Variants in SKAP2 observed in about 807,000 individuals in gnomAD.
SKAP2 encodes src kinase associated phosphoprotein 2, also known as src kinase-associated phosphoprotein 2.
Under a neutral mutation model 54.9 loss-of-function variants are expected in SKAP2, and 28 were observed. That is an observed-to-expected ratio of 0.51 (90% CI 0.38 to 0.70). The LOEUF is 0.70. Among genes scored for constraint, SKAP2 ranks in the 30% least tolerant of loss-of-function variants. The pLI is 0.00. For synonymous variants in SKAP2, 137 were observed against 134.3 expected (o/e 1.02, Z -0.14); for missense variants, 356 against 424.1 (o/e 0.84, Z 1.41).
At position 26,856,601 on chromosome 7, in the gene SKAP2, A is replaced by G. The variant is rs147021735; in HGVS notation, c.68-1711T>C. ...AAATTTTGTGCCCAGAACAGCAAGC[A>G]ACCTTTGGATATTTCGATATTAGCT... On this transcript the variant is annotated intron_variant, in intron 1 of 12. Coordinates refer to ENST00000345317, the MANE Select transcript of SKAP2 (RefSeq NM_003930.5). 2.0e-4 allele frequency among the ~76,000 whole-genome samples: 31 copies of G among 152,302 alleles called. No homozygotes were observed. In the East Asian group the frequency reaches 5.6e-3, roughly 27 times the overall value.
intron 4 of SKAP2, among the ~76,000 whole-genome samples, chr7:26,756,900 T>C (rs1332140564): frequency 1.3e-5 from 2 of 152,222 alleles, no homozygotes; most frequent in Non-Finnish European, 1.5e-5. Context: ...TATCTCATTG[T>C]GGTTTCGATT....
chr7:26,725,646 C>T lies in SKAP2; in HGVS notation c.659-81G>A, dbSNP rs988667527. The T allele has an allele frequency of 1.9e-5, 24 of 1,261,124 alleles. 1 individual carries two copies. In the South Asian group the frequency reaches 3.3e-4, roughly 17 times the overall value. The allele number at this position is 1,261,124 out of a possible 1,614,324, so 78.1% of individuals were successfully genotyped here. ...AACTATACTTTATAAATAAATGCAGCCCTACAAAGCAACAACAATATTGTT... is the reference window on the plus strand; with the variant it reads ...AACTATACTTTATAAATAAATGCAGTCCTACAAAGCAACAACAATATTGTT... On this transcript the variant is annotated intron_variant, in intron 8 of 12. Transcript: ENST00000345317.
In SKAP2 at chr7:26,727,024, A is replaced by G. The variant is rs1246050958; in HGVS notation, c.470-18T>C. ...TTGTTTGTCTGTTGAAGATAAAACC[A>G]GTTAGAATTTCATTTACTAAGTATT... is the stretch of plus-strand genomic sequence containing the variant. On this transcript the variant is annotated intron_variant, in intron 6 of 12. Transcript: ENST00000345317. The G allele has an allele frequency of 1.3e-6, 2 of 1,571,336 alleles. No individual in the cohort carries two copies. The highest frequency in any genetic ancestry group is 1.7e-6 in the Non-Finnish European group (2 of 1,161,278).
chr7:26,765,777 G>A (rs2127972836), intron 4 of SKAP2, among the ~76,000 whole-genome samples: 1 of 152,296 alleles, frequency 6.6e-6, no homozygotes, highest in East Asian at 1.9e-4. Context: ...GCAGATGGTT[G>A]TAGATGTGTG....
rs965186358 is a variant in SKAP2 at position 26,667,151 on chromosome 7, A to G, written c.*2515T>C. 2.0e-5 allele frequency: 3 copies of G among 152,222 alleles called. No homozygotes were observed. The highest frequency in any genetic ancestry group is 7.2e-5 in the African/African-American group (3 of 41,464). The allele number at this position is 152,222 out of a possible 1,614,324, so 9.4% of individuals were successfully genotyped here. A position where few individuals can be genotyped will look rare whatever the true frequency, so the allele number is the denominator to read the frequency against. ...TAAGATCTAATGGCAATAGAGTACA[A>G]ATTCAGTACAGAGCAAATAATCAAG... On this transcript the variant is annotated 3_prime_UTR_variant, in exon 13 of 13. Transcript: ENST00000345317.
intron 4 of SKAP2, among the ~76,000 whole-genome samples, chr7:26,820,490 C>T (rs973236963): frequency 2.6e-5 from 4 of 151,972 alleles, no homozygotes; most frequent in African/African-American, 9.7e-5. Context: ...CAAAATAATC[C>T]AGTTAATGCT....
Position 26,685,711 on chromosome 7 carries a change from C to T in SKAP2, c.875-863G>A, listed in dbSNP as rs542724238. On this transcript the variant is annotated intron_variant, in intron 10 of 12. Coordinates refer to ENST00000345317, the MANE Select transcript of SKAP2 (RefSeq NM_003930.5). ...GACCACAATAAATGGGTAATAAATG[C>T]TTTGTCACTTATACAGTGCAGATCT... Among the ~76,000 whole-genome samples the T allele has an allele frequency of 2.6e-5, 4 of 152,272 alleles. No homozygotes were observed. In the East Asian group the frequency reaches 7.7e-4, roughly 29 times the overall value.
chr7:26,730,293 TC>T (rs1787795901), intron 6 of SKAP2, among the ~76,000 whole-genome samples: 2 of 152,176 alleles, frequency 1.3e-5, no homozygotes, highest in South Asian at 2.1e-4. Context: ...AACAAAATTA[TC>T]AAAAATAGTA....
chr7:26,691,777 A>G (rs573420513), intron 9 of SKAP2, among the ~76,000 whole-genome samples: 27 of 152,330 alleles, frequency 1.8e-4, no homozygotes, highest in Admixed American at 1.6e-3. Flanking sequence ...GATAAGAAGG[A>G]TATTTCCGGA....
intron 3 of SKAP2, among the ~76,000 whole-genome samples, 198 bp downstream of exon 3, chr7:26,853,939 C>A (rs1306014229): frequency 6.6e-6 from 1 of 152,138 alleles, no homozygotes; most frequent in Non-Finnish European, 1.5e-5. Context: ...GAAGACTGTG[C>A]AGAGTAAATT....
At position 26,684,850 on chromosome 7, in the gene SKAP2, T is replaced by C. The variant is rs547067202; in HGVS notation, c.875-2A>G. On this transcript the variant is annotated splice_acceptor_variant, in intron 10 of 12. Coordinates refer to ENST00000345317, the MANE Select transcript of SKAP2 (RefSeq NM_003930.5). LOFTEE classifies it high-confidence loss of function. ...TAGCATAATCAGTGCTCTTATCCCC[T>C]AGGAAGAAGAAAGAGAAAGCATGAA... The C allele has an allele frequency of 7.0e-6, 11 of 1,571,164 alleles. No individual in the cohort carries two copies. In the South Asian group the frequency reaches 1.1e-4, roughly 16 times the overall value.
chr7:26,764,366 C>A (rs1782998561), intron 4 of SKAP2, among the ~76,000 whole-genome samples: 1 of 152,118 alleles, frequency 6.6e-6, no homozygotes, highest in African/African-American at 2.4e-5. Flanking sequence ...GAAGACTACT[C>A]CTGTTGAACC....
intron 3 of SKAP2, among the ~76,000 whole-genome samples, chr7:26,850,006 T>C (rs1785005973): frequency 1.3e-5 from 2 of 152,292 alleles, no homozygotes; most frequent in Admixed American, 6.5e-5. Context: ...TAATACATGA[T>C]CAAGACACAA....
intron 9 of SKAP2, among the ~76,000 whole-genome samples, chr7:26,716,258 C>A (rs1181560304): frequency 6.6e-6 from 1 of 152,100 alleles, no homozygotes; most frequent in Non-Finnish European, 1.5e-5. Context: ...TGATTAAGAA[C>A]TTGTCAAATT....
intron 4 of SKAP2, among the ~76,000 whole-genome samples, chr7:26,774,150 T>C (rs1189316708): frequency 2.0e-5 from 3 of 151,928 alleles, no homozygotes; most frequent in Non-Finnish European, 2.9e-5. Flanking sequence ...CTGTCTCTAC[T>C]AAAATTACAA....
At chr7:26,805,031 GATA>G (rs1446600369) in intron 4 of SKAP2, among the ~76,000 whole-genome samples, 1 of 152,124 alleles carries the variant, frequency 6.6e-6, no homozygotes, top group Non-Finnish European at 1.5e-5. Flanking sequence ...TCTCTAGACA[GATA>G]ATATACTACA....
At chr7:26,801,208 A>T (rs955464507) in intron 4 of SKAP2, among the ~76,000 whole-genome samples, 2 of 152,192 alleles carry the variant, frequency 1.3e-5, no homozygotes, top group East Asian at 3.8e-4. Context: ...CAACATATAC[A>T]AATCAATCAA....
intron 4 of SKAP2, among the ~76,000 whole-genome samples, chr7:26,809,118 T>C (rs1784085546): frequency 6.6e-6 from 1 of 152,098 alleles, no homozygotes; most frequent in South Asian, 2.1e-4. Flanking sequence ...CAAAACTCAA[T>C]AAAAAAGTGG....
intron 4 of SKAP2, among the ~76,000 whole-genome samples, chr7:26,831,073 T>C (rs1162299958): frequency 6.6e-6 from 1 of 152,192 alleles, no homozygotes; most frequent in African/African-American, 2.4e-5. Context: ...CTTATTTTCA[T>C]ATATAGCTTC....
Sources: gnomAD v4.1 joint callset for allele counts (sites outside exome capture counted in the v4.1 genomes callset) on GRCh38, gnomAD v4.1.1 for gene constraint, MANE v1.5 for transcripts, NCBI Gene and HGNC (gene_info 2026-07-23, HGNC 2026-07-21) for gene names.